Variants in PHOSPHO1 observed in about 807,000 individuals in gnomAD.
PHOSPHO1 encodes phosphoethanolamine/phosphocholine phosphatase 1, also known as phosphoethanolamine/phosphocholine phosphatase.
Under a neutral mutation model 17.7 loss-of-function variants are expected in PHOSPHO1, and 6 were observed. That is an observed-to-expected ratio of 0.34 (90% CI 0.19 to 0.67). PHOSPHO1 has a LOEUF of 0.67. PHOSPHO1 is among the 30% of genes least tolerant of loss of function. The pLI, the probability that PHOSPHO1 is intolerant of heterozygous loss-of-function variation, is 0.69. For missense variants in PHOSPHO1, 330 were observed against 392.1 expected (o/e 0.84, Z 1.34); for synonymous variants, 159 against 174.6 (o/e 0.91, Z 0.71).
intron 2 of PHOSPHO1, 23 bp from the exon 3 acceptor site, chr17:49,225,027 C>G (rs1273519767): frequency 1.5e-5 from 22 of 1,474,134 alleles, no homozygotes; most frequent in African/African-American, 1.1e-4. Context: ...GGGAGAGCAG[C>G]AGGAGGAGGA....
At chr17:49,225,081 G>T in intron 2 of PHOSPHO1, 77 bp from the exon 3 acceptor site, 1 of 1,444,494 alleles carries the variant, frequency 6.9e-7, no homozygotes, top group African/African-American at 1.4e-5. Context: ...GAGCCCGCCC[G>T]GGAGAGGCTG....
At chr17:49,228,271 T>C (rs1261417592) in intron 1 of PHOSPHO1, among the ~76,000 whole-genome samples, 1 of 98,830 alleles carries the variant, frequency 1.0e-5, no homozygotes, top group Non-Finnish European at 2.2e-5. Context: ...CTTCCTTCCT[T>C]CCTTCCTTCC....
At position 49,224,054 on chromosome 17, in the gene PHOSPHO1, G is replaced by T. The variant is rs2043321846; in HGVS notation, c.*192C>A. On this transcript the variant is annotated 3_prime_UTR_variant, in exon 3 of 3. Transcript: ENST00000310544. ...ACAGTGGAGTGGGGGAGGCAGCCGA[G>T]GTGGGTTAACTGAATAGATAGGGAC... 1 of 822,106 alleles carries T rather than the reference G, an allele frequency of 1.2e-6. No homozygotes were observed. Among genetic ancestry groups the T allele is most frequent in the Non-Finnish European group, 1.8e-6 (1 of 552,930 alleles). The allele number at this position is 822,106 out of a possible 1,614,324, so 50.9% of individuals were successfully genotyped here.
rs919562328 is a variant in PHOSPHO1, at chr17:49,226,660, C to T, written c.32G>A (p.Arg11His). 23 of 1,614,018 alleles carry T rather than the reference C, an allele frequency of 1.4e-5. No individual in the cohort carries two copies. The highest frequency in any genetic ancestry group is 1.7e-5 in the Non-Finnish European group (20 of 1,180,032). MSGCFPVSGL[R>H]CLSRDGRMAA... ...GGACCCACTTACCCTAGATAGGCAG[C>T]GGAGGCCAGAAACTGGAAAACAGCC... The change falls in exon 2 of 3, where the codon CGC becomes CAC. Residue 11 changes from arginine to histidine, a missense_variant. By Grantham distance (29) the Arg-to-His change is conservative (BLOSUM62 0). Coordinates refer to ENST00000310544, the MANE Select transcript of PHOSPHO1 (RefSeq NM_178500.4).
chr17:49,225,106 G>A (rs1350908327), intron 2 of PHOSPHO1, 102 bp from the exon 3 acceptor site: 2 of 1,442,310 alleles, frequency 1.4e-6, no homozygotes, highest in Non-Finnish European at 1.8e-6. Context: ...GCGGGCCACG[G>A]CCAGAGGCGC....
intron 2 of PHOSPHO1, among the ~76,000 whole-genome samples, chr17:49,226,218 T>C (rs1208223026): frequency 1.3e-5 from 2 of 151,442 alleles, no homozygotes; most frequent in Non-Finnish European, 2.9e-5. Context: ...CCCACCCCAG[T>C]TAATTGAGAT....
At chr17:49,229,422 C>T (rs1598255082) in intron 1 of PHOSPHO1, among the ~76,000 whole-genome samples, 1 of 152,278 alleles carries the variant, frequency 6.6e-6, no homozygotes, top group East Asian at 1.9e-4. Context: ...GCAGTGCCTG[C>T]CTCCTTAATT....
Position 49,224,396 on chromosome 17 carries a change from G to A in PHOSPHO1, c.654C>T (p.Asp218=). The change falls in exon 3 of 3, where the codon GAC becomes GAT. Residue 218 remains aspartate, a synonymous_variant. Transcript: ENST00000310544. ...GGTAGCCGCGGCGCGGGAAGGCCAC[G>A]TCGCCGCCCGCCAGCAGCCCCATGG... The part of the protein sequence containing the change: ...FCPMGLLAGG[D]VAFPRRGYPM... The A allele has an allele frequency of 6.5e-7, 1 of 1,545,320 alleles. No individual in the cohort carries two copies. The highest frequency in any genetic ancestry group is 8.7e-7 in the Non-Finnish European group (1 of 1,148,382).
Position 49,223,552 on chromosome 17 carries a change from C to G in PHOSPHO1, c.*694G>C, listed in dbSNP as rs909518030. On this transcript the variant is annotated 3_prime_UTR_variant, in exon 3 of 3. Coordinates refer to ENST00000310544, the MANE Select transcript of PHOSPHO1 (RefSeq NM_178500.4). ...TTGCTGCATAGACGAGGCTGGGATGCAAGGAGACACCGTCACTCTCTGCGA... is the reference window on the plus strand; with the variant it reads ...TTGCTGCATAGACGAGGCTGGGATGGAAGGAGACACCGTCACTCTCTGCGA... 2 of 152,614 alleles carry G rather than the reference C, an allele frequency of 1.3e-5. No homozygotes were observed. The highest frequency in any genetic ancestry group is 4.8e-5 in the African/African-American group (2 of 41,414). The allele number at this position is 152,614 out of a possible 1,614,324, so 9.5% of individuals were successfully genotyped here.
intron 1 of PHOSPHO1, among the ~76,000 whole-genome samples, chr17:49,227,064 T>C (rs1000302715): frequency 1.3e-5 from 2 of 152,228 alleles, no homozygotes; most frequent in Non-Finnish European, 2.9e-5. Flanking sequence ...CCCTTAAATG[T>C]GTTTGACACA....
intron 2 of PHOSPHO1, chr17:49,225,429 T>C: frequency 2.0e-6 from 2 of 985,050 alleles, no homozygotes; most frequent in Non-Finnish European, 2.4e-6. Flanking sequence ...GAAAGGGTGG[T>C]GGGAACTCTC....
intron 2 of PHOSPHO1, 72 bp downstream of exon 2, chr17:49,226,575 C>T: frequency 6.6e-7 from 1 of 1,524,620 alleles, no homozygotes; most frequent in African/African-American, 1.4e-5. Context: ...TCTCCCAAGG[C>T]CCTATGGAAA....
chr17:49,225,470 G>C (rs2043344925), intron 2 of PHOSPHO1: 1 of 985,338 alleles, frequency 1.0e-6, no homozygotes, highest in Non-Finnish European at 1.2e-6. Flanking sequence ...TAGAGTCAAG[G>C]GAAACCAACC....
chr17:49,224,322 A>C lies in PHOSPHO1; in HGVS notation c.728T>G (p.Phe243Cys). The C allele has an allele frequency of 6.3e-7, 1 of 1,591,576 alleles. No homozygotes were observed. Among genetic ancestry groups the C allele is most frequent in the South Asian group, 1.1e-5 (1 of 88,816 alleles). Reference sequence around the variant, plus strand: ...TTCCCAGGGCACCACGCTGGCGCGGAACGAGCTGGGCTCGGCCTTCTGGGC... The same window carrying C: ...TTCCCAGGGCACCACGCTGGCGCGGCACGAGCTGGGCTCGGCCTTCTGGGC... ...QEAQKAEPSS[F>C]RASVVPWETA... Residue 243 changes from phenylalanine to cysteine, a missense_variant, in exon 3 of 3, where the codon TTC becomes TGC. Physicochemically the swap from Phe to Cys is radical, Grantham distance 205. Coordinates refer to ENST00000310544, the MANE Select transcript of PHOSPHO1 (RefSeq NM_178500.4).
Position 49,224,653 on chromosome 17 carries a change from G to T in PHOSPHO1, c.397C>A (p.Leu133Met), listed in dbSNP as rs1298047603. 1.9e-6 allele frequency: 3 copies of T among 1,584,556 alleles called. No individual in the cohort carries two copies. Among genetic ancestry groups the T allele is most frequent in the East Asian group, 4.6e-5 (2 of 43,874 alleles). ...AGGCTGTGGTGGCCGGCGGCGCGCA[G>T]CGAGCTCTCCACGCCAAAGGTGTTG... is the stretch of plus-strand genomic sequence containing the variant. Reference protein sequence around the residue: ...DANTFGVESSLRAAGHHSLFR... With the variant: ...DANTFGVESSMRAAGHHSLFR... Residue 133 changes from leucine (L) to methionine (M), a missense_variant, in exon 3 of 3, where the codon CTG becomes ATG. Coordinates refer to ENST00000310544, the MANE Select transcript of PHOSPHO1 (RefSeq NM_178500.4).
In PHOSPHO1 at chr17:49,224,876, G is replaced by C. The variant is rs1157855005; in HGVS notation, c.174C>G (p.Ser58Arg). The change falls in exon 3 of 3, where the codon AGC becomes AGG. Residue 58 changes from serine (S) to arginine (R), a missense_variant. Physicochemically the swap from Ser to Arg is moderately radical, Grantham distance 110. Transcript: ENST00000310544. ...RAAPGQRLPE[S>R]LRATYREGFY... Reference sequence around the variant, plus strand: ...AGCCCTCGCGGTAGGTGGCTCGCAGGCTCTCCGGGAGCCGCTGGCCCGGCG... The same window carrying C: ...AGCCCTCGCGGTAGGTGGCTCGCAGCCTCTCCGGGAGCCGCTGGCCCGGCG... 1 of 1,605,148 alleles carries C rather than the reference G, an allele frequency of 6.2e-7. No homozygotes were observed. The highest frequency in any genetic ancestry group is 8.5e-7 in the Non-Finnish European group (1 of 1,176,728).
rs1216843257 is a variant in PHOSPHO1 at position 49,224,969 on chromosome 17, G to A, written c.81C>T (p.Phe27=). ...TCTCGTCGAAGTCGAAGGTCAGGAG[G>A]AAGCGCGGCGCGCCCTGCGCGGCCA... ...GRMAAQGAPR[F]LLTFDFDETI... Residue 27 remains phenylalanine, a synonymous_variant, in exon 3 of 3, where the codon TTC becomes TTT. Transcript: ENST00000310544. 1.9e-6 allele frequency: 3 copies of A among 1,561,376 alleles called. No individual in the cohort carries two copies. In the African/African-American group the frequency reaches 4.1e-5, roughly 21 times the overall value.
chr17:49,229,431 T>C (rs539437774), intron 1 of PHOSPHO1, among the ~76,000 whole-genome samples: 75 of 152,132 alleles, frequency 4.9e-4, no homozygotes, highest in Non-Finnish European at 5.1e-4. Context: ...GCCTCCTTAA[T>C]TCTGCACCGG....
chr17:49,228,814 G>T (rs1234231528), intron 1 of PHOSPHO1, among the ~76,000 whole-genome samples: 1 of 139,258 alleles, frequency 7.2e-6, no homozygotes, highest in Non-Finnish European at 1.5e-5. Flanking sequence ...AAAAAAATTA[G>T]CTGGGTATGG....
Sources: allele counts gnomAD v4.1 joint callset (sites outside exome capture counted in the v4.1 genomes callset), GRCh38; gene constraint gnomAD v4.1.1; transcripts MANE v1.5; gene names NCBI Gene and HGNC (gene_info 2026-07-23, HGNC 2026-07-21).